FAM200B: variants seen among roughly 807,000 people sequenced by gnomAD.
FAM200B encodes the protein zinc finger BED-type containing 11.
A neutral mutation model predicts 33.1 loss-of-function variants in FAM200B; 32 were observed. The observed-to-expected ratio is 0.97, with a 90% CI of 0.73 to 1.30. The LOEUF (loss-of-function observed/expected upper bound fraction) is 1.30, where lower values mean the gene tolerates loss of function less well. FAM200B is among the 50% of genes most tolerant of loss of function. FAM200B has a pLI of 0.00. For missense variants in FAM200B, 741 were observed against 754.0 expected (o/e 0.98, Z 0.20); for synonymous variants, 240 against 264.8 (o/e 0.91, Z 0.91).
chr4:15,654,495 G>A, the FAM200B span, among the ~76,000 whole-genome samples: 33 of 152,174 alleles, frequency 2.2e-4, no homozygotes, highest in South Asian at 6.2e-4. Context: ...CTCATATAAA[G>A]AAATCCAAGA....
the FAM200B span, among the ~76,000 whole-genome samples, chr4:15,657,516 T>C: frequency 4.6e-5 from 7 of 152,144 alleles, no homozygotes; most frequent in Non-Finnish European, 7.4e-5. Context: ...ACAAAAAAAG[T>C]CCATCCACAC....
chr4:15,676,162 A>C, the FAM200B span, among the ~76,000 whole-genome samples: 1 of 152,212 alleles, frequency 6.6e-6, no homozygotes, highest in African/African-American at 2.4e-5. Context: ...TTGCTCTATA[A>C]TCCTTAATCC....
the FAM200B span, among the ~76,000 whole-genome samples, chr4:15,653,176 T>C: frequency 6.6e-6 from 1 of 152,170 alleles, no homozygotes; most frequent in Admixed American, 6.5e-5. Context: ...GATAAACGTA[T>C]ACAACAATCT....
At chr4:15,636,898 G>A in the FAM200B span, among the ~76,000 whole-genome samples, 1 of 152,184 alleles carries the variant, frequency 6.6e-6, no homozygotes, top group Non-Finnish European at 1.5e-5. Context: ...TACTTCATCA[G>A]TGGGAGCTAC....
At chr4:15,663,986 C>T in the FAM200B span, among the ~76,000 whole-genome samples, 9 of 152,158 alleles carry the variant, frequency 5.9e-5, no homozygotes, top group Non-Finnish European at 1.3e-4. Context: ...ATTGTAGGCA[C>T]TCTTATCCTG....
At chr4:15,680,505 T>C (rs940763908), upstream of FAM200B, among the ~76,000 whole-genome samples, 2 of 152,078 alleles carry the variant, frequency 1.3e-5, no homozygotes, top group Non-Finnish European at 2.9e-5. Context: ...ACCCCGTCTT[T>C]GTATTTTTGA....
At chr4:15,641,740 T>C in the FAM200B span, 1 of 380,606 alleles carries the variant, frequency 2.6e-6, no homozygotes, top group Non-Finnish European at 5.1e-6. Flanking sequence ...CTGTTAACAT[T>C]ATCCTGCCAG....
upstream of FAM200B, chr4:15,681,303 C>G (rs1205341480): frequency 1.3e-5 from 2 of 155,382 alleles, no homozygotes; most frequent in Non-Finnish European, 2.9e-5. Context: ...AACCAGCGTC[C>G]TGGCCCCGCC....
At chr4:15,643,835 T>C in the FAM200B span, among the ~76,000 whole-genome samples, 3 of 152,228 alleles carry the variant, frequency 2.0e-5, no homozygotes, top group Non-Finnish European at 4.4e-5. Flanking sequence ...CAGCAAATGT[T>C]AACAGAATGT....
chr4:15,658,856 A>C, the FAM200B span, among the ~76,000 whole-genome samples: 1 of 152,266 alleles, frequency 6.6e-6, no homozygotes, highest in South Asian at 2.1e-4. Flanking sequence ...ATATTAAGAA[A>C]AATTATCCAT....
At chr4:15,650,999 T>C in the FAM200B span, among the ~76,000 whole-genome samples, 3 of 152,186 alleles carry the variant, frequency 2.0e-5, no homozygotes, top group Non-Finnish European at 2.9e-5. Flanking sequence ...TTCAAACTGA[T>C]TCTCAAAAGT....
At chr4:15,640,990 T>C in the FAM200B span, 2 of 542,798 alleles carry the variant, frequency 3.7e-6, no homozygotes, top group Non-Finnish European at 6.4e-6. Flanking sequence ...GAAAAAAAAA[T>C]AGACAAATTG....
chr4:15,655,359 G>C, the FAM200B span: 2 of 1,181,602 alleles, frequency 1.7e-6, no homozygotes, highest in Non-Finnish European at 2.1e-6. Context: ...CCGCGGGGCA[G>C]AGGCGGCGCG....
At position 15,688,709 on chromosome 4, in the gene FAM200B, T is replaced by C; in HGVS notation, c.1732T>C (p.Leu578=). The C allele has an allele frequency of 1.3e-6, 2 of 1,551,018 alleles. No homozygotes were observed. Among genetic ancestry groups the C allele is most frequent in the Non-Finnish European group, 8.7e-7 (1 of 1,146,518 alleles). Residue 578 remains leucine (L), a synonymous_variant, in exon 2 of 2, where the codon TTA becomes CTA. Transcript: ENST00000422728. ...TACATTGAAGAATGATTATGAAACC[T>C]TAAGTTTATCAGCATTTTGGATGAA... The part of the protein sequence containing the change: ...SYTLKNDYET[L]SLSAFWMKVK...
chr4:15,646,116 G>A, the FAM200B span, among the ~76,000 whole-genome samples: 2 of 152,198 alleles, frequency 1.3e-5, no homozygotes, highest in Non-Finnish European at 2.9e-5. Flanking sequence ...CATGTGGTCT[G>A]TAGCAATTAT....
intron 1 of FAM200B, among the ~76,000 whole-genome samples, chr4:15,682,243 A>G (rs1167459199): frequency 6.6e-6 from 1 of 152,230 alleles, no homozygotes; most frequent in Non-Finnish European, 1.5e-5. Context: ...GCAATGTCAA[A>G]ACAGGAAACA....
At chr4:15,662,358 C>G in the FAM200B span, among the ~76,000 whole-genome samples, 1 of 152,166 alleles carries the variant, frequency 6.6e-6, no homozygotes, top group African/African-American at 2.4e-5. Flanking sequence ...ATCATCTATT[C>G]TGAGTTTCTA....
At position 15,688,128 on chromosome 4, in the gene FAM200B, C is replaced by T; in HGVS notation, c.1151C>T (p.Thr384Ile). ...GTNHTHLLYH[T>I]KIRWLSQGKI... ...AATCATACCCACTTACTATATCATACCAAAATTCGTTGGTTGTCTCAAGGG... is the reference window on the plus strand; with the variant it reads ...AATCATACCCACTTACTATATCATATCAAAATTCGTTGGTTGTCTCAAGGG... The change falls in exon 2 of 2, where the codon ACC (threonine) becomes ATC (isoleucine). Residue 384 changes from threonine (T) to isoleucine (I), a missense_variant. Coordinates refer to ENST00000422728, the MANE Select transcript of FAM200B (RefSeq NM_001145191.2). The T allele has an allele frequency of 6.4e-7, 1 of 1,551,124 alleles. No homozygotes were observed. The highest frequency in any genetic ancestry group is 8.7e-7 in the Non-Finnish European group (1 of 1,146,684).
chr4:15,646,880 A>G, the FAM200B span, among the ~76,000 whole-genome samples: 9 of 152,014 alleles, frequency 5.9e-5, no homozygotes, highest in Admixed American at 1.3e-4. Context: ...CAAAAAGTAA[A>G]CACAGTCAGC....
Sources: gnomAD v4.1 joint callset for allele counts (sites outside exome capture counted in the v4.1 genomes callset) on GRCh38, gnomAD v4.1.1 for gene constraint, MANE v1.5 for transcripts, NCBI Gene and HGNC (gene_info 2026-07-23, HGNC 2026-07-21) for gene names.